Variants in MYZAP observed in about 807,000 individuals in gnomAD.
MYZAP encodes the protein GRINL1A complex locus upstream.
MYZAP carries 66 observed loss-of-function variants against 69.4 expected under a neutral mutation model. The ratio of observed to expected loss-of-function variants is 0.95; its 90% confidence interval spans 0.78 to 1.17. MYZAP has a LOEUF of 1.17. Among genes scored for constraint, MYZAP ranks in the 50% most tolerant of loss-of-function variants. The pLI, the probability that MYZAP is intolerant of heterozygous loss-of-function variation, is 0.00. For missense variants in MYZAP, 611 were observed against 556.2 expected, an observed-to-expected ratio of 1.10 and a Z score of -0.99; for synonymous variants, 256 against 205.9, an observed-to-expected ratio of 1.24 and a Z score of -2.09.
chr15:57,632,363 A>G, intron 6 of MYZAP, 71 bp from the exon 7 acceptor site: 3 of 1,601,642 alleles, frequency 1.9e-6, no homozygotes, highest in Non-Finnish European at 2.6e-6. Flanking sequence ...CCCACATGAA[A>G]TGTGCAGTGG....
intron 10 of MYZAP, among the ~76,000 whole-genome samples, chr15:57,650,170 G>A (rs1007984988): frequency 2.0e-5 from 3 of 152,044 alleles, no homozygotes; most frequent in Non-Finnish European, 2.9e-5. Context: ...TTTTTTTCAC[G>A]TCGCTTTCGT....
chr15:57,662,756 T>G (rs1323613416), intron 11 of MYZAP, among the ~76,000 whole-genome samples: 1 of 152,186 alleles, frequency 6.6e-6, no homozygotes, highest in Non-Finnish European at 1.5e-5. Context: ...AAGGTTACAG[T>G]AGAGATGGGT....
intron 10 of MYZAP, among the ~76,000 whole-genome samples, chr15:57,659,276 A>G (rs1368178938): frequency 3.3e-5 from 5 of 152,256 alleles, no homozygotes; most frequent in Admixed American, 1.3e-4. Context: ...GAAATGAGCC[A>G]TTCCACCAAG....
intron 10 of MYZAP, among the ~76,000 whole-genome samples, chr15:57,660,988 G>A (rs2038268336): frequency 1.3e-5 from 2 of 152,190 alleles, no homozygotes; most frequent in Non-Finnish European, 2.9e-5. Context: ...GAACAAATAT[G>A]AATGTATTGA....
intron 10 of MYZAP, chr15:57,646,454 C>G: frequency 9.6e-7 from 1 of 1,040,602 alleles, no homozygotes; most frequent in Non-Finnish European, 1.2e-6. Context: ...TTTTTAGGAA[C>G]TTGAGTAGAC....
chr15:57,684,382 T>G lies in MYZAP; in HGVS notation c.1305-20T>G. On this transcript the variant is annotated intron_variant, in intron 12 of 12. Transcript: ENST00000267853. ...TTTGTTTTGTTTCATTTTCCTGACC[T>G]GCATTTTCTCATTTCTCAGCCAAAC... 1 of 1,571,650 alleles carries G rather than the reference T, an allele frequency of 6.4e-7. No homozygotes were observed. The highest frequency in any genetic ancestry group is 8.7e-7 in the Non-Finnish European group (1 of 1,143,176).
chr15:57,647,437 G>C, intron 10 of MYZAP: 1 of 985,402 alleles, frequency 1.0e-6, no homozygotes, highest in Non-Finnish European at 1.2e-6. Context: ...GTTTTTCTAA[G>C]TCTCTGGTGG....
At chr15:57,643,049 G>A (rs1344632935) in intron 10 of MYZAP, among the ~76,000 whole-genome samples, 1 of 152,210 alleles carries the variant, frequency 6.6e-6, no homozygotes, top group African/African-American at 2.4e-5. Flanking sequence ...TGGATGTCAG[G>A]GGGTTGGGTA....
At chr15:57,674,187 G>C (rs1052231854) in intron 11 of MYZAP, among the ~76,000 whole-genome samples, 1 of 151,858 alleles carries the variant, frequency 6.6e-6, no homozygotes, top group Non-Finnish European at 1.5e-5. Context: ...CCAGCACTTC[G>C]TCTATTTTCA....
chr15:57,678,489 G>A (rs2039256579), intron 12 of MYZAP, among the ~76,000 whole-genome samples: 1 of 152,086 alleles, frequency 6.6e-6, no homozygotes, highest in African/African-American at 2.4e-5. Context: ...TTTCTATGTA[G>A]AACACTATAT....
intron 11 of MYZAP, among the ~76,000 whole-genome samples, chr15:57,663,422 C>T (rs1485352030): frequency 6.6e-6 from 1 of 152,146 alleles, no homozygotes; most frequent in African/African-American, 2.4e-5. Context: ...TCTCAGGAAG[C>T]CCCACTAGGG....
chr15:57,630,847 C>T (rs1270908677), intron 6 of MYZAP, among the ~76,000 whole-genome samples: 3 of 152,200 alleles, frequency 2.0e-5, no homozygotes, highest in Non-Finnish European at 2.9e-5. Context: ...TAGTTTATTG[C>T]TCAAAGCAGA....
At chr15:57,596,954 A>G (rs1351677505) in intron 1 of MYZAP, among the ~76,000 whole-genome samples, 1 of 152,166 alleles carries the variant, frequency 6.6e-6, no homozygotes, top group Non-Finnish European at 1.5e-5. Context: ...GACAGGGCTT[A>G]GGAACCACCC....
chr15:57,678,221 G>T (rs551392930), intron 12 of MYZAP, among the ~76,000 whole-genome samples: 1 of 152,096 alleles, frequency 6.6e-6, no homozygotes, highest in Admixed American at 6.6e-5. Flanking sequence ...AATTAGCCGG[G>T]TGTGGTGGTG....
At chr15:57,619,825 G>A (rs974503619) in intron 3 of MYZAP, among the ~76,000 whole-genome samples, 1 of 152,174 alleles carries the variant, frequency 6.6e-6, no homozygotes, top group Non-Finnish European at 1.5e-5. Context: ...ACAGAGTCCA[G>A]AGTCCCACAT....
chr15:57,630,938 G>T (rs778502609), intron 6 of MYZAP, among the ~76,000 whole-genome samples: 1 of 152,154 alleles, frequency 6.6e-6, no homozygotes, highest in Non-Finnish European at 1.5e-5. Context: ...CTTCACAGGG[G>T]TAGGCTGGGT....
intron 10 of MYZAP, among the ~76,000 whole-genome samples, chr15:57,656,286 A>T (rs1056059024): frequency 1.3e-5 from 2 of 152,164 alleles, no homozygotes; most frequent in African/African-American, 4.8e-5. Context: ...GGCTGGATGG[A>T]TTTGTTGATT....
intron 5 of MYZAP, among the ~76,000 whole-genome samples, chr15:57,628,459 G>T (rs1167625436): frequency 2.0e-5 from 3 of 151,782 alleles, no homozygotes; most frequent in African/African-American, 2.4e-5. Context: ...TTTTGTAGTT[G>T]CCCAGGCTAG....
chr15:57,670,020 A>T (rs1437441565), intron 11 of MYZAP, among the ~76,000 whole-genome samples: 1 of 152,060 alleles, frequency 6.6e-6, no homozygotes, highest in Non-Finnish European at 1.5e-5. Flanking sequence ...CTTTTAATTT[A>T]TTGGGACTTA....
Sources: gnomAD v4.1 joint callset for allele counts (sites outside exome capture counted in the v4.1 genomes callset) on GRCh38, gnomAD v4.1.1 for gene constraint, MANE v1.5 for transcripts, NCBI Gene and HGNC (gene_info 2026-07-23, HGNC 2026-07-21) for gene names.